Variants in NEBL observed in about 807,000 individuals in gnomAD.
NEBL encodes nebulette, also known as LIM and SH3 protein 2.
Under a neutral mutation model 140.2 loss-of-function variants are expected in NEBL, and 122 were observed. The ratio of observed to expected loss-of-function variants is 0.87; its 90% CI spans 0.75 to 1.01. The LOEUF is 1.01. Among genes scored for constraint, NEBL ranks in the 50% least tolerant of loss-of-function variants. The pLI, the probability that NEBL is intolerant of heterozygous loss-of-function variation, is 0.00. For synonymous variants in NEBL, 436 were observed against 398.9 expected, an observed-to-expected ratio of 1.09 and a Z score of -1.11; for missense variants, 1,365 against 1,231.3, an observed-to-expected ratio of 1.11 and a Z score of -1.62.
chr10:21,040,194 C>T (rs1482107083), intron 2 of NEBL, among the ~76,000 whole-genome samples: 4 of 151,958 alleles, frequency 2.6e-5, no homozygotes, highest in Non-Finnish European at 2.9e-5. Flanking sequence ...GATGAAACCC[C>T]GTCTCTACTA....
chr10:21,110,235 T>C (rs1159288675), intron 2 of NEBL, among the ~76,000 whole-genome samples: 1 of 152,188 alleles, frequency 6.6e-6, no homozygotes, highest in Non-Finnish European at 1.5e-5. Flanking sequence ...GTAGAATTGA[T>C]ACTTTTTCCT....
chr10:20,961,010 A>T (rs2131616636), intron 4 of NEBL, among the ~76,000 whole-genome samples: 1 of 152,300 alleles, frequency 6.6e-6, no homozygotes, highest in East Asian at 1.9e-4. Flanking sequence ...AGAAAAATAC[A>T]TCCTGACACA....
At chr10:21,160,864 G>GAA (rs11314209) in intron 2 of NEBL, among the ~76,000 whole-genome samples, 2 of 145,304 alleles carry the variant, frequency 1.4e-5, no homozygotes, top group Non-Finnish European at 1.5e-5. Flanking sequence ...TTTCCAGGGG[G>GAA]AAAAAAAAAA....
intron 3 of NEBL, among the ~76,000 whole-genome samples, chr10:21,233,278 G>A (rs1050993616): frequency 5.3e-5 from 8 of 152,040 alleles, no homozygotes; most frequent in African/African-American, 1.4e-4. Context: ...GAACTCCTGG[G>A]CTCAAGCAAT....
chr10:21,044,183 G>A (rs1834396280), intron 2 of NEBL, among the ~76,000 whole-genome samples: 2 of 152,112 alleles, frequency 1.3e-5, no homozygotes, highest in South Asian at 4.2e-4. Context: ...GATCACCTGA[G>A]GTCAGGAGTT....
At chr10:21,096,099 C>T (rs756209864) in intron 2 of NEBL, among the ~76,000 whole-genome samples, 3 of 151,968 alleles carry the variant, frequency 2.0e-5, no homozygotes, top group Non-Finnish European at 4.4e-5. Flanking sequence ...TTTATTTTCC[C>T]CTAAAGAGAA....
At chr10:21,103,215 CTTT>C (rs576823735) in intron 2 of NEBL, among the ~76,000 whole-genome samples, 7 of 140,220 alleles carry the variant, frequency 5.0e-5, no homozygotes, top group Admixed American at 7.1e-5. Context: ...TTTTCAACTC[CTTT>C]TTTTTTTTTT....
intron 3 of NEBL, among the ~76,000 whole-genome samples, chr10:20,994,380 G>T (rs965716717): frequency 6.6e-5 from 10 of 152,174 alleles, no homozygotes; most frequent in Non-Finnish European, 1.3e-4. Context: ...TCATCTATGA[G>T]ATCCAAAAAG....
chr10:20,897,044 A>AG lies in NEBL; in HGVS notation c.82-16dup. ...TTATAGAAGACCTATTTGAAAAAAA[A>AG]GAAAAGAACAGAAAGAACATTTTTC... On this transcript the variant is annotated splice_polypyrimidine_tract_variant and intron_variant, in intron 1 of 27. Transcript: ENST00000377122. 1 of 1,611,164 alleles carries AG rather than the reference A, an allele frequency of 6.2e-7. No individual in the cohort carries two copies. The highest frequency in any genetic ancestry group is 1.1e-5 in the South Asian group (1 of 90,974).
At chr10:20,989,709 A>G (rs1837386967) in intron 3 of NEBL, among the ~76,000 whole-genome samples, 1 of 152,202 alleles carries the variant, frequency 6.6e-6, no homozygotes, top group African/African-American at 2.4e-5. Context: ...TTATATTGAC[A>G]TTTGATTTAT....
intron 2 of NEBL, among the ~76,000 whole-genome samples, chr10:21,156,473 G>A (rs1241435909): frequency 1.3e-5 from 2 of 152,100 alleles, no homozygotes; most frequent in African/African-American, 2.4e-5. Flanking sequence ...TTCAATTGAT[G>A]GATAAGATTT....
At chr10:21,061,830 T>G (rs1681395145) in intron 2 of NEBL, among the ~76,000 whole-genome samples, 1 of 152,160 alleles carries the variant, frequency 6.6e-6, no homozygotes, top group South Asian at 2.1e-4. Flanking sequence ...CTGCAGTGAT[T>G]GTACTTGGGT....
chr10:20,974,318 G>A (rs1449487840), intron 3 of NEBL, among the ~76,000 whole-genome samples: 1 of 150,296 alleles, frequency 6.7e-6, no homozygotes, highest in African/African-American at 2.5e-5. Context: ...CAGTGGTGCA[G>A]TCTTGGCTCA....
intron 3 of NEBL, among the ~76,000 whole-genome samples, chr10:20,970,867 A>G (rs1363507657): frequency 6.6e-6 from 1 of 152,214 alleles, no homozygotes; most frequent in African/African-American, 2.4e-5. Context: ...TTATCTGACA[A>G]GGAAAAAAAT....
chr10:20,796,367 GA>G (rs57844177), intron 26 of NEBL, among the ~76,000 whole-genome samples: 2,498 of 51,500 alleles, frequency 0.049, 25 homozygotes, highest in African/African-American at 0.089. Context: ...TCTAAAACAA[GA>G]AAAAAAAAAA....
At chr10:20,961,864 T>C in intron 3 of NEBL, 1 of 971,702 alleles carries the variant, frequency 1.0e-6, no homozygotes, top group Non-Finnish European at 1.6e-6. Flanking sequence ...CTGCTGGAAT[T>C]GGAAACAATG....
chr10:21,174,687 CTGCGTCCCAGAGGGG>C (rs1329648489), upstream of NEBL: 2 of 152,236 alleles, frequency 1.3e-5, no homozygotes, highest in African/African-American at 2.4e-5. Context: ...ACCCGGAGAC[CTGCGTCCCAGAGGGG>C]CCGAGGGTTG....
rs1415271164 is a variant in NEBL, at chr10:20,809,709, A to AT, written c.2611+96dup. 96 of 1,012,424 alleles carry AT rather than the reference A, an allele frequency of 9.5e-5. No homozygotes were observed. The East Asian group carries it at 2.3e-3, about 24-fold the overall frequency. 62.7% of individuals were successfully genotyped at this position (1,012,424 alleles called of 1,614,324 possible). On this transcript the variant is annotated intron_variant, in intron 25 of 27. Coordinates refer to ENST00000377122, the MANE Select transcript of NEBL (RefSeq NM_006393.3). ...GGTTTGCCAAATTCTCAGCTTTAAA[A>AT]TTTACATTACACAGTACAATGAACC...
intron 3 of NEBL, among the ~76,000 whole-genome samples, chr10:20,971,022 A>G (rs186055571): frequency 6.6e-6 from 1 of 152,338 alleles, no homozygotes; most frequent in Admixed American, 6.5e-5. Flanking sequence ...TTAATTTATT[A>G]TCTGTAACGG....
Sources: allele counts gnomAD v4.1 joint callset (sites outside exome capture counted in the v4.1 genomes callset), GRCh38; gene constraint gnomAD v4.1.1; transcripts MANE v1.5; gene names NCBI Gene and HGNC (gene_info 2026-07-23, HGNC 2026-07-21).